NAV3: variants seen among roughly 807,000 people sequenced by gnomAD.
The protein encoded by NAV3 is neuron navigator 3.
NAV3 carries 87 observed loss-of-function variants against 244.7 expected under a neutral mutation model. The ratio of observed to expected loss-of-function variants is 0.36; its 90% CI spans 0.30 to 0.42. The LOEUF (loss-of-function observed/expected upper bound fraction) is 0.42. Ranked by LOEUF, NAV3 falls within the 20% of genes least tolerant of loss-of-function variation. NAV3 has a pLI of 1.00. For synonymous variants in NAV3, 1,126 were observed against 1,042.2 expected (o/e 1.08, Z -1.55); for missense variants, 2,663 against 2,893.3 (o/e 0.92, Z 1.83).
At chr12:78,049,591 C>A (rs1882424325) in intron 9 of NAV3, among the ~76,000 whole-genome samples, 1 of 152,142 alleles carries the variant, frequency 6.6e-6, no homozygotes, top group East Asian at 1.9e-4. Context: ...GTTGGAAATG[C>A]AGAAATCACC....
chr12:77,608,881 A>G (rs1176794628), intron 2 of NAV3, among the ~76,000 whole-genome samples: 3 of 152,058 alleles, frequency 2.0e-5, no homozygotes, highest in African/African-American at 4.8e-5. Flanking sequence ...TATGACCTCC[A>G]TCAAGTCACC....
At position 77,973,856 on chromosome 12, in the gene NAV3, TA is replaced by T. The variant is rs528732591; in HGVS notation, c.671+5163del. 6.4e-3 allele frequency among the ~76,000 whole-genome samples: 967 copies of T among 150,808 alleles called. 9 individuals carry two copies. Among genetic ancestry groups the T allele is most frequent in the African/African-American group, 0.022 (921 of 41,142 alleles). Reference sequence around the variant, plus strand: ...TGTGTTGTGGCCATAGTGTGCCCTTTAAAAAAAAAGTCAGTTAATCGATTAA... The same window carrying T: ...TGTGTTGTGGCCATAGTGTGCCCTTTAAAAAAAAGTCAGTTAATCGATTAA... On this transcript the variant is annotated intron_variant, in intron 5 of 39. Coordinates refer to ENST00000397909, the MANE Select transcript of NAV3 (RefSeq NM_001024383.2).
intron 3 of NAV3, among the ~76,000 whole-genome samples, chr12:77,964,822 A>G (rs1488952316): frequency 2.0e-5 from 3 of 152,142 alleles, no homozygotes; most frequent in Non-Finnish European, 4.4e-5. Context: ...CTCAAAATAA[A>G]TGAGTATATC....
In NAV3 at chr12:77,881,714, T is replaced by C. The variant is rs1882669692; in HGVS notation, c.243+50010T>C. ...CCAAAAGACTCCTAGAACTGGTAAG[T>C]GACTTTAGTAAAGTTCAGGATAGAA... On this transcript the variant is annotated intron_variant, in intron 1 of 39. Coordinates refer to ENST00000397909, the MANE Select transcript of NAV3 (RefSeq NM_001024383.2). 3.3e-5 allele frequency among the ~76,000 whole-genome samples: 5 copies of C among 152,254 alleles called. No homozygotes were observed. In the South Asian group the frequency reaches 1.0e-3, roughly 32 times the overall value.
At chr12:77,771,356 C>T (rs977816806) in intron 2 of NAV3, among the ~76,000 whole-genome samples, 38 of 152,158 alleles carry the variant, frequency 2.5e-4, no homozygotes, top group Admixed American at 8.5e-4. Flanking sequence ...GTCAGTGTGG[C>T]GATTCCTCAG....
chr12:77,920,378 T>C (rs1276753858), intron 1 of NAV3, among the ~76,000 whole-genome samples: 1 of 151,936 alleles, frequency 6.6e-6, no homozygotes, highest in Non-Finnish European at 1.5e-5. Flanking sequence ...GGATTTTGTT[T>C]CAACAGTGGC....
chr12:77,777,962 T>C (rs1870453380), intron 2 of NAV3, among the ~76,000 whole-genome samples: 1 of 151,808 alleles, frequency 6.6e-6, no homozygotes, highest in African/African-American at 2.4e-5. Context: ...CGCACCACAA[T>C]AATGGGCTAA....
At chr12:78,122,908 TAAA>T (rs61235295) in intron 16 of NAV3, among the ~76,000 whole-genome samples, 67,214 of 144,210 alleles carry the variant, frequency 0.47, 15,537 homozygotes, top group African/African-American at 0.5. Context: ...TTGGCCTGGT[TAAA>T]AAAAAAAAAA....
chr12:77,885,964 A>G (rs1329614719), intron 1 of NAV3, among the ~76,000 whole-genome samples: 4 of 152,100 alleles, frequency 2.6e-5, no homozygotes, highest in African/African-American at 9.7e-5. Context: ...AACATAATTT[A>G]TCTATTTATT....
At chr12:77,759,270 T>C (rs984925540) in intron 2 of NAV3, among the ~76,000 whole-genome samples, 1 of 152,248 alleles carries the variant, frequency 6.6e-6, no homozygotes, top group Non-Finnish European at 1.5e-5. Context: ...ACTAGAACTG[T>C]AGTAGTTGCC....
intron 2 of NAV3, among the ~76,000 whole-genome samples, chr12:77,621,936 T>C (rs919750145): frequency 2.0e-5 from 3 of 152,162 alleles, no homozygotes; most frequent in Non-Finnish European, 4.4e-5. Flanking sequence ...GAATAATAAG[T>C]CTTGGGTTAA....
intron 15 of NAV3, 89 bp downstream of exon 15, chr12:78,120,034 A>T (rs1955602756): frequency 3.3e-6 from 3 of 919,592 alleles, no homozygotes; most frequent in Admixed American, 3.5e-5. Flanking sequence ...GTATATATAT[A>T]TTTTAAATAT....
rs115550276 is a variant in NAV3 at position 77,714,993 on chromosome 12, A to G, written c.72+142727A>G. 2.7e-3 allele frequency among the ~76,000 whole-genome samples: 416 copies of G among 152,216 alleles called. 2 individuals are homozygous for G. The highest frequency in any genetic ancestry group is 9.7e-3 in the African/African-American group (405 of 41,576). ...AACTCACAAATATTTAATTTAGCTT[A>G]AAGTTAGGGTATTAGGTACCCTGTA... On this transcript the variant is annotated intron_variant, in intron 2 of 8. Coordinates refer to the NAV3 transcript ENST00000550042.
chr12:78,159,162 A>T (rs1265366880), intron 22 of NAV3, 41 bp from the exon 23 acceptor site: 4 of 1,556,646 alleles, frequency 2.6e-6, no homozygotes, highest in African/African-American at 1.4e-5. Context: ...TCCACATAAG[A>T]TTCTGACATT....
intron 1 of NAV3, among the ~76,000 whole-genome samples, chr12:77,895,955 TAAAAAAAAAA>T (rs755975061): frequency 9.6e-6 from 1 of 104,620 alleles, no homozygotes; most frequent in African/African-American, 3.6e-5. Flanking sequence ...CAATTTCCAG[TAAAAAAAAAA>T]AAAAAAAAAA....
At chr12:77,959,912 C>CAAAAAAA (rs57550714) in intron 3 of NAV3, among the ~76,000 whole-genome samples, 7 of 64,706 alleles carry the variant, frequency 1.1e-4, no homozygotes, top group African/African-American at 1.9e-4. Context: ...CCTGACCCGA[C>CAAAAAAA]AAAAAAAAAA....
At chr12:77,797,797 C>T (rs947702661) in intron 2 of NAV3, among the ~76,000 whole-genome samples, 1 of 151,432 alleles carries the variant, frequency 6.6e-6, no homozygotes, top group African/African-American at 2.4e-5. Context: ...AAAGATTGTG[C>T]CACTGCACTC....
At chr12:77,956,834 C>T (rs769564571) in intron 3 of NAV3, among the ~76,000 whole-genome samples, 4 of 151,414 alleles carry the variant, frequency 2.6e-5, no homozygotes, top group East Asian at 2.0e-4. Context: ...CTCCTCCTCC[C>T]GGGTTCAAGC....
At chr12:78,163,529 C>T (rs183393462) in intron 23 of NAV3, among the ~76,000 whole-genome samples, 1 of 152,022 alleles carries the variant, frequency 6.6e-6, no homozygotes, top group African/African-American at 2.4e-5. Flanking sequence ...GATCATGCCA[C>T]TGCACTCCAG....
Sources: gnomAD v4.1 joint callset for allele counts (sites outside exome capture counted in the v4.1 genomes callset) on GRCh38, gnomAD v4.1.1 for gene constraint, MANE v1.5 for transcripts, NCBI Gene and HGNC (gene_info 2026-07-23, HGNC 2026-07-21) for gene names.